RERE: variants seen among roughly 807,000 people sequenced by gnomAD.
RERE encodes the protein arginine-glutamic acid dipeptide repeats.
In RERE, 40 loss-of-function variants were observed where a neutral mutation model predicts 146.1. The observed-to-expected ratio is 0.27, with a 90% CI of 0.21 to 0.36. The LOEUF (loss-of-function observed/expected upper bound fraction) is 0.36. RERE is among the 10% of genes least tolerant of loss of function. The pLI, the probability that RERE is intolerant of heterozygous loss-of-function variation, is 1.00. For synonymous variants in RERE, 1,003 were observed against 866.0 expected, an observed-to-expected ratio of 1.16 and a Z score of -2.78; for missense variants, 1,933 against 2,138.7, an observed-to-expected ratio of 0.90 and a Z score of 1.90.
chr1:8,544,338 T>C (rs1645834022), intron 6 of RERE, among the ~76,000 whole-genome samples: 2 of 152,240 alleles, frequency 1.3e-5, no homozygotes, highest in South Asian at 4.1e-4. Context: ...TTGTACATTT[T>C]TATTGTTGCT....
intron 1 of RERE, among the ~76,000 whole-genome samples, chr1:8,746,903 G>A (rs536723041): frequency 1.3e-5 from 2 of 150,146 alleles, no homozygotes; most frequent in African/African-American, 2.4e-5. Flanking sequence ...AGAGAGAAAG[G>A]GAGAGGGAGA....
chr1:8,793,478 G>C (rs1478437679), intron 1 of RERE, among the ~76,000 whole-genome samples: 2 of 152,300 alleles, frequency 1.3e-5, no homozygotes, highest in African/African-American at 2.4e-5. Context: ...AAACTGCAAA[G>C]AGGTTAAGAC....
chr1:8,709,621 C>T (rs12083728), intron 1 of RERE, among the ~76,000 whole-genome samples: 1,995 of 152,250 alleles, frequency 0.013, 40 homozygotes, highest in African/African-American at 0.044. Context: ...TTATGTTATA[C>T]AGCAAGTCAC....
intron 12 of RERE, among the ~76,000 whole-genome samples, chr1:8,416,458 C>T (rs889923287): frequency 4.0e-5 from 6 of 151,604 alleles, no homozygotes; most frequent in Non-Finnish European, 5.9e-5. Flanking sequence ...TGGTGGCGGG[C>T]GCCTGTAGTC....
At chr1:8,560,119 C>A (rs1646060652) in intron 4 of RERE, among the ~76,000 whole-genome samples, 1 of 152,188 alleles carries the variant, frequency 6.6e-6, no homozygotes, top group African/African-American at 2.4e-5. Context: ...GAAGAAGCAG[C>A]ACCTGTTTGG....
At chr1:8,812,885 A>G (rs900109924) in intron 1 of RERE, among the ~76,000 whole-genome samples, 8 of 152,116 alleles carry the variant, frequency 5.3e-5, no homozygotes, top group African/African-American at 1.4e-4. Context: ...AAATTGGCCT[A>G]TGCAATCTTA....
At chr1:8,568,650 C>T (rs557134913) in intron 4 of RERE, among the ~76,000 whole-genome samples, 1 of 152,168 alleles carries the variant, frequency 6.6e-6, no homozygotes, top group Non-Finnish European at 1.5e-5. Flanking sequence ...TCCCCAGAGG[C>T]CAACCAGATG....
intron 12 of RERE, among the ~76,000 whole-genome samples, chr1:8,382,152 G>A (rs1365953945): frequency 1.3e-5 from 2 of 152,254 alleles, no homozygotes; most frequent in Non-Finnish European, 2.9e-5. Flanking sequence ...CTTCCTGCAG[G>A]CAGATAGCAA....
intron 1 of RERE, among the ~76,000 whole-genome samples, chr1:8,797,555 C>T (rs1460658641): frequency 1.3e-5 from 2 of 152,152 alleles, no homozygotes; most frequent in Non-Finnish European, 1.5e-5. Flanking sequence ...GAATCACCCA[C>T]CTAAAAAACC....
At position 8,400,222 on chromosome 1, in the gene RERE, A is replaced by ATATGTGTGTGTGTGTGTGTGTGTG. The variant is rs368219880; in HGVS notation, c.1284+22504_1284+22505insCACACACACACACACACACACATA. Among the ~76,000 whole-genome samples, 931 of 140,112 alleles carry ATATGTGTGTGTGTGTGTGTGTGTG rather than the reference A, an allele frequency of 6.6e-3. 13 individuals carry two copies. Among genetic ancestry groups the ATATGTGTGTGTGTGTGTGTGTGTG allele is most frequent in the Middle Eastern group, 0.014 (4 of 276 alleles). 91.9% of individuals were successfully genotyped at this position (140,112 alleles called of 152,430 possible). On this transcript the variant is annotated intron_variant, in intron 12 of 22. Transcript: ENST00000400908. Reference sequence around the variant, plus strand: ...CTCTTCCTTTCCATTCCTGTGTCATATGTGTGTGTGTGTGTGTGTGTGTGT... The same window carrying ATATGTGTGTGTGTGTGTGTGTGTG: ...CTCTTCCTTTCCATTCCTGTGTCATATATGTGTGTGTGTGTGTGTGTGTGTGTGTGTGTGTGTGTGTGTGTGTGT...
At chr1:8,382,463 A>C (rs1642490828) in intron 12 of RERE, among the ~76,000 whole-genome samples, 1 of 152,282 alleles carries the variant, frequency 6.6e-6, no homozygotes, top group Non-Finnish European at 1.5e-5. Flanking sequence ...TGTGCATGAG[A>C]GAGCGCGCAT....
At chr1:8,532,738 G>A (rs1557675857) in intron 7 of RERE, among the ~76,000 whole-genome samples, 1 of 152,224 alleles carries the variant, frequency 6.6e-6, no homozygotes, top group South Asian at 2.1e-4. Context: ...GGGGTTACAG[G>A]TGCACGCCAC....
intron 7 of RERE, among the ~76,000 whole-genome samples, chr1:8,516,227 G>GAAAA (rs58064164): frequency 0.025 from 1,272 of 51,776 alleles, 74 homozygotes; most frequent in African/African-American, 0.036. Flanking sequence ...TCTCTCAGAG[G>GAAAA]AAAAAAAAAA....
intron 11 of RERE, among the ~76,000 whole-genome samples, chr1:8,446,908 T>C (rs1644329278): frequency 6.6e-6 from 1 of 152,004 alleles, no homozygotes; most frequent in African/African-American, 2.4e-5. Flanking sequence ...CTCAATCTCC[T>C]GACCTCGTGA....
At chr1:8,637,627 CG>C (rs1171910150) in intron 2 of RERE, among the ~76,000 whole-genome samples, 1 of 152,122 alleles carries the variant, frequency 6.6e-6, no homozygotes, top group Admixed American at 6.5e-5. Context: ...ACCCTTAACC[CG>C]GGGACCAAAA....
At chr1:8,600,263 T>C (rs1344809345) in intron 4 of RERE, among the ~76,000 whole-genome samples, 1 of 152,180 alleles carries the variant, frequency 6.6e-6, no homozygotes, top group Non-Finnish European at 1.5e-5. Flanking sequence ...TCACCCAGTC[T>C]CCGTATGTCT....
At chr1:8,556,212 A>G (rs1646004652) in intron 6 of RERE, among the ~76,000 whole-genome samples, 1 of 152,154 alleles carries the variant, frequency 6.6e-6, no homozygotes, top group Non-Finnish European at 1.5e-5. Flanking sequence ...TTCCAAGGAA[A>G]TGAAGATACA....
chr1:8,754,617 G>C (rs1640599843), intron 1 of RERE, among the ~76,000 whole-genome samples: 1 of 152,168 alleles, frequency 6.6e-6, no homozygotes, highest in African/African-American at 2.4e-5. Flanking sequence ...CACTGCAGAT[G>C]TATGTTTTGC....
intron 5 of RERE, 64 bp from the exon 6 acceptor site, chr1:8,556,635 G>T: frequency 9.4e-7 from 1 of 1,062,744 alleles, no homozygotes; most frequent in Admixed American, 1.8e-5. Context: ...AAAAAAATTT[G>T]TAAAACTTTT....
Sources: gnomAD v4.1 joint callset for allele counts (sites outside exome capture counted in the v4.1 genomes callset) on GRCh38, gnomAD v4.1.1 for gene constraint, MANE v1.5 for transcripts, NCBI Gene and HGNC (gene_info 2026-07-23, HGNC 2026-07-21) for gene names.